TGFA: variants seen among roughly 807,000 people sequenced by gnomAD.
The protein encoded by TGFA is transforming growth factor alpha.
Under a neutral mutation model 21.7 loss-of-function variants are expected in TGFA, and 12 were observed. That is an observed-to-expected ratio of 0.55 (90% confidence interval 0.35 to 0.90). The LOEUF (loss-of-function observed/expected upper bound fraction) is 0.90. Ranked by LOEUF, TGFA falls within the 40% of genes least tolerant of loss-of-function variation. The pLI, the probability that TGFA is intolerant of heterozygous loss-of-function variation, is 0.01. For missense variants in TGFA, 178 were observed against 210.8 expected (o/e 0.84, Z 0.96); for synonymous variants, 79 against 88.1 (o/e 0.90, Z 0.58).
intron 1 of TGFA, among the ~76,000 whole-genome samples, chr2:70,544,461 T>C (rs1673229992): frequency 6.6e-6 from 1 of 152,100 alleles, no homozygotes; most frequent in Non-Finnish European, 1.5e-5. Flanking sequence ...ACAAAACTCG[T>C]TAAGATATAA....
intron 2 of TGFA, among the ~76,000 whole-genome samples, chr2:70,478,399 A>G (rs1671001903): frequency 6.6e-6 from 1 of 152,198 alleles, no homozygotes; most frequent in Admixed American, 6.5e-5. Context: ...TAACTACTAT[A>G]ACATCAATCT....
chr2:70,520,125 T>G (rs530738558), intron 1 of TGFA, among the ~76,000 whole-genome samples: 1 of 152,342 alleles, frequency 6.6e-6, no homozygotes, highest in African/African-American at 2.4e-5. Context: ...GGCTTCATGT[T>G]GGTCCTGTTT....
chr2:70,530,010 T>C (rs910913890), intron 1 of TGFA, among the ~76,000 whole-genome samples: 3 of 152,192 alleles, frequency 2.0e-5, no homozygotes, highest in African/African-American at 4.8e-5. Context: ...TCTGCCTCTA[T>C]CTATACTATT....
intron 5 of TGFA, 32 bp downstream of exon 5, chr2:70,453,184 AAT>A: frequency 6.3e-7 from 1 of 1,588,702 alleles, no homozygotes; most frequent in South Asian, 1.1e-5. Context: ...TTCTCCACCC[AAT>A]AGTGTCTCCC....
intron 3 of TGFA, among the ~76,000 whole-genome samples, chr2:70,463,361 T>G (rs965255429): frequency 1.3e-5 from 2 of 152,052 alleles, no homozygotes; most frequent in Non-Finnish European, 2.9e-5. Context: ...ATTAGCAAAG[T>G]GTAAGGGTGT....
rs1476579417 is a variant in TGFA at position 70,448,922 on chromosome 2, T to C, written c.*1937A>G. 6.6e-6 allele frequency: 1 copy of C among 152,230 alleles called. No homozygotes were observed. The highest frequency in any genetic ancestry group is 1.5e-5 in the Non-Finnish European group (1 of 68,054). The allele number at this position is 152,230 out of a possible 1,614,324, so 9.4% of individuals were successfully genotyped here. On this transcript the variant is annotated 3_prime_UTR_variant, in exon 6 of 6. Coordinates refer to ENST00000295400, the MANE Select transcript of TGFA (RefSeq NM_003236.4). Reference sequence around the variant, plus strand: ...ATTCCTACGCCTCTGCAAAGTCTCTTGGATGCTAACTACTGATTGATAGAG... The same window carrying C: ...ATTCCTACGCCTCTGCAAAGTCTCTCGGATGCTAACTACTGATTGATAGAG...
intron 2 of TGFA, among the ~76,000 whole-genome samples, chr2:70,507,933 A>T (rs1376092230): frequency 2.6e-5 from 4 of 152,206 alleles, no homozygotes; most frequent in African/African-American, 9.6e-5. Context: ...TCTGTTCTCA[A>T]CAGTTAGGCT....
At chr2:70,484,789 T>C (rs2103766909) in intron 2 of TGFA, among the ~76,000 whole-genome samples, 1 of 152,340 alleles carries the variant, frequency 6.6e-6, no homozygotes, top group Middle Eastern at 3.4e-3. Context: ...CTAAGGGTGA[T>C]TCTCCAGCTT....
intron 2 of TGFA, among the ~76,000 whole-genome samples, chr2:70,505,263 T>C (rs1242498515): frequency 3.9e-5 from 6 of 152,184 alleles, no homozygotes; most frequent in African/African-American, 9.7e-5. Flanking sequence ...TAAAAATGGA[T>C]CTTTATTCTG....
intron 1 of TGFA, among the ~76,000 whole-genome samples, chr2:70,521,613 G>GTGTTTTTTTTTT (rs532266930): frequency 2.7e-5 from 2 of 74,052 alleles, no homozygotes; most frequent in African/African-American, 8.4e-5. Flanking sequence ...GTTGTTGTTT[G>GTGTTTTTTTTTT]TTTGTTTTTT....
chr2:70,526,755 A>G (rs1672648955), intron 1 of TGFA, among the ~76,000 whole-genome samples: 1 of 152,156 alleles, frequency 6.6e-6, no homozygotes, highest in Admixed American at 6.5e-5. Context: ...AAGGGTGGTG[A>G]TGAGAAGCAA....
Position 70,456,472 on chromosome 2 carries a change from C to A in TGFA, c.232G>T (p.Val78Phe). Reference protein sequence around the residue: ...KPACVCHSGYVGARCEHADLL... With the variant: ...KPACVCHSGYFGARCEHADLL... ...TCCGCATGCTCACAGCGTGCACCAA[C>A]GTACCCAGAATGGCAGCTGGGGAAG... The change falls in exon 4 of 6, where the codon GTT (valine) becomes TTT (phenylalanine). Residue 78 changes from valine to phenylalanine, a missense_variant. By Grantham distance (50) the Val-to-Phe change is conservative. Transcript: ENST00000295400. 6.2e-7 allele frequency: 1 copy of A among 1,608,068 alleles called. No individual in the cohort carries two copies. Among genetic ancestry groups the A allele is most frequent in the Non-Finnish European group, 8.5e-7 (1 of 1,177,368 alleles).
intron 2 of TGFA, among the ~76,000 whole-genome samples, chr2:70,510,300 G>T (rs116494295): frequency 0.026 from 3,940 of 152,260 alleles, 178 homozygotes; most frequent in African/African-American, 0.09. Context: ...AATCAAATAC[G>T]TGTCAGTGAC....
At chr2:70,513,944 C>T (rs1180353389) in intron 2 of TGFA, among the ~76,000 whole-genome samples, 9 of 152,192 alleles carry the variant, frequency 5.9e-5, no homozygotes, top group Admixed American at 5.9e-4. Context: ...GGAAAGCTAT[C>T]TGGCAGTTTG....
intron 5 of TGFA, among the ~76,000 whole-genome samples, chr2:70,452,372 G>A (rs11466268): frequency 8.5e-5 from 13 of 152,178 alleles, no homozygotes; most frequent in African/African-American, 2.7e-4. Flanking sequence ...CTCCTGAGGT[G>A]CAAGCTGGGC....
At chr2:70,534,988 C>G (rs540124420) in intron 1 of TGFA, among the ~76,000 whole-genome samples, 46 of 152,058 alleles carry the variant, frequency 3.0e-4, no homozygotes, top group African/African-American at 1.1e-3. Context: ...CTGCTACTTG[C>G]TGGCAGAGGG....
chr2:70,504,465 C>CATACATATATATATATATATATATAT (rs1559124076), intron 2 of TGFA, among the ~76,000 whole-genome samples: 2 of 62,520 alleles, frequency 3.2e-5, no homozygotes, highest in African/African-American at 4.7e-5. Context: ...TATATATATA[C>CATACATATATATATATATATATATAT]ACACATACAT....
chr2:70,503,624 G>A (rs1181975398), intron 2 of TGFA, among the ~76,000 whole-genome samples: 2 of 151,286 alleles, frequency 1.3e-5, no homozygotes, highest in Non-Finnish European at 2.9e-5. Context: ...TAGTCCCCAG[G>A]GGGCACAGTT....
intron 2 of TGFA, among the ~76,000 whole-genome samples, chr2:70,512,511 G>T (rs972988114): frequency 6.6e-6 from 1 of 152,196 alleles, no homozygotes; most frequent in African/African-American, 2.4e-5. Context: ...CGCAGCAGGG[G>T]TTCAACTGCT....
Sources: allele counts gnomAD v4.1 joint callset (sites outside exome capture counted in the v4.1 genomes callset), GRCh38; gene constraint gnomAD v4.1.1; transcripts MANE v1.5; gene names NCBI Gene and HGNC (gene_info 2026-07-23, HGNC 2026-07-21).